Variants in ATXN10 observed in about 807,000 individuals in gnomAD.
ATXN10 encodes ataxin-10.
Under a neutral mutation model 52.9 loss-of-function variants are expected in ATXN10, and 28 were observed. The ratio of observed to expected loss-of-function variants is 0.53; its 90% CI spans 0.39 to 0.73. ATXN10 has a LOEUF of 0.73. ATXN10 is among the 30% of genes least tolerant of loss of function. The pLI is 0.00. For missense variants in ATXN10, 565 were observed against 577.0 expected (o/e 0.98, Z 0.21); for synonymous variants, 226 against 221.5 (o/e 1.02, Z -0.18).
Position 45,844,903 on chromosome 22 carries a change from A to G in ATXN10, c.*1232A>G, listed in dbSNP as rs1277885383. 6.6e-6 allele frequency: 1 copy of G among 152,272 alleles called. No individual in the cohort carries two copies. The highest frequency in any genetic ancestry group is 2.4e-5 in the African/African-American group (1 of 41,470). 9.4% of individuals were successfully genotyped at this position (152,272 alleles called of 1,614,324 possible). On this transcript the variant is annotated 3_prime_UTR_variant, in exon 12 of 12. Transcript: ENST00000252934. ...TTAACTGATTTGTAAAAATAGCTTA[A>G]GCATGTTGAGAATGAAGTAAAAGTT...
chr22:45,724,644 T>TC (rs1457166168), intron 6 of ATXN10, among the ~76,000 whole-genome samples: 1 of 152,250 alleles, frequency 6.6e-6, no homozygotes, highest in Non-Finnish European at 1.5e-5. Context: ...GATTATTTCT[T>TC]CCGCTGTGCA....
At chr22:45,711,627 G>C (rs534684816) in intron 5 of ATXN10, among the ~76,000 whole-genome samples, 3 of 152,148 alleles carry the variant, frequency 2.0e-5, no homozygotes, top group Admixed American at 1.3e-4. Flanking sequence ...AACTGGGTAA[G>C]GGTACACAGA....
At position 45,816,541 on chromosome 22, in the gene ATXN10, C is replaced by A. The variant is rs759990465; in HGVS notation, c.1237+9519C>A. ...GAATACCCAGATATGTAACCTTTCC[C>A]CCAAGGAAAGTTTATCCCAGGTGGG... On this transcript the variant is annotated intron_variant, in intron 10 of 11. Coordinates refer to ENST00000252934, the MANE Select transcript of ATXN10 (RefSeq NM_013236.4). The surrounding 1 kb of genome is among the most constrained non-coding windows in gnomAD (Gnocchi z 5.8). Among the ~76,000 whole-genome samples the A allele has an allele frequency of 4.3e-4, 65 of 152,146 alleles. No individual in the cohort carries two copies. The highest frequency in any genetic ancestry group is 9.8e-4 in the Admixed American group (15 of 15,278).
chr22:45,744,903 G>A lies in ATXN10; in HGVS notation c.1173+4365G>A, dbSNP rs990540241. On this transcript the variant is annotated intron_variant, in intron 9 of 11. Coordinates refer to ENST00000252934, the MANE Select transcript of ATXN10 (RefSeq NM_013236.4). The surrounding 1 kb of genome is among the most constrained non-coding windows in gnomAD (Gnocchi z 4.9). ...GTCTTTAATGCTTAAGTCTGTACAC[G>A]TGATAGATGTAGTGTTTCCTGAATT... is the stretch of plus-strand genomic sequence containing the variant. 1 of 152,172 alleles carries A rather than the reference G, an allele frequency of 6.6e-6. No individual in the cohort carries two copies. Among genetic ancestry groups the A allele is most frequent in the Non-Finnish European group, 1.5e-5 (1 of 68,040 alleles). The allele number at this position is 152,172 out of a possible 1,614,324, so 9.4% of individuals were successfully genotyped here. A position where few individuals can be genotyped will look rare whatever the true frequency, so the allele number is the denominator to read the frequency against.
At chr22:45,839,939 A>G (rs910548043) in intron 10 of ATXN10, among the ~76,000 whole-genome samples, 1 of 152,248 alleles carries the variant, frequency 6.6e-6, no homozygotes, top group Non-Finnish European at 1.5e-5. Flanking sequence ...TGAATGAGAG[A>G]TAGCATGCTT....
chr22:45,691,499 G>C (rs1923373749), intron 2 of ATXN10, among the ~76,000 whole-genome samples: 1 of 152,244 alleles, frequency 6.6e-6, no homozygotes, highest in African/African-American at 2.4e-5. Context: ...AGAGTCACTT[G>C]TTAAGTGAGA....
intron 5 of ATXN10, among the ~76,000 whole-genome samples, chr22:45,707,114 A>T (rs1601598865): frequency 6.6e-6 from 1 of 152,194 alleles, no homozygotes; most frequent in South Asian, 2.1e-4. Context: ...TTTATCACAA[A>T]TTTTGTTGTT....
chr22:45,721,205 A>C (rs1398889598), intron 6 of ATXN10, among the ~76,000 whole-genome samples: 1 of 152,182 alleles, frequency 6.6e-6, no homozygotes, highest in Non-Finnish European at 1.5e-5. Context: ...GAGAGCCTAC[A>C]TTTACATACT....
intron 1 of ATXN10, among the ~76,000 whole-genome samples, chr22:45,687,222 A>G (rs887422565): frequency 6.6e-6 from 1 of 152,244 alleles, no homozygotes; most frequent in East Asian, 1.9e-4. Context: ...AACATAGTTC[A>G]TGAACTTAGT....
At chr22:45,812,873 G>T (rs973279694) in intron 10 of ATXN10, among the ~76,000 whole-genome samples, 11 of 152,120 alleles carry the variant, frequency 7.2e-5, no homozygotes, top group Admixed American at 4.6e-4. Context: ...CCACCCTACG[G>T]GTTAGGAAAT....
rs73441165 is a variant in ATXN10 at position 45,705,737 on chromosome 22, A to G, written c.647+2890A>G. 0.054 allele frequency among the ~76,000 whole-genome samples: 8,145 copies of G among 152,010 alleles called. 242 individuals are homozygous for G. Among genetic ancestry groups the G allele is most frequent in the African/African-American group, 0.079 (3,277 of 41,484 alleles). On this transcript the variant is annotated intron_variant, in intron 5 of 11. Transcript: ENST00000252934. This position sits in a 1 kb window ranked among gnomAD's most constrained non-coding sequence, Gnocchi z 5.2. ...GCGTGAGCCACCGCGCCCGGCCTCC[A>G]CTTGTTACGGGTCTATTCAGATTGT... is the stretch of plus-strand genomic sequence containing the variant.
At position 45,766,171 on chromosome 22, in the gene ATXN10, C is replaced by G. The variant is rs367880606; in HGVS notation, c.1173+25633C>G. On this transcript the variant is annotated intron_variant, in intron 9 of 11. Coordinates refer to ENST00000252934, the MANE Select transcript of ATXN10 (RefSeq NM_013236.4). This position sits in a 1 kb window ranked among gnomAD's most constrained non-coding sequence, Gnocchi z 4.6. The stretch of plus-strand genomic sequence containing the variant: ...AAAAGTATGGGGACAAGGATATCCG[C>G]TACCTTTAGATCAGGGGTTCCCCAA... Among the ~76,000 whole-genome samples the G allele has an allele frequency of 1.3e-5, 2 of 152,196 alleles. No homozygotes were observed. The highest frequency in any genetic ancestry group is 3.8e-4 in the East Asian group (2 of 5,202).
chr22:45,699,612 C>G (rs530155428), intron 3 of ATXN10, among the ~76,000 whole-genome samples: 116 of 150,802 alleles, frequency 7.7e-4, no homozygotes, highest in Non-Finnish European at 1.4e-3. Flanking sequence ...CTGCCTCAGC[C>G]TCCTAAGTAG....
chr22:45,802,478 T>C (rs959076724), intron 9 of ATXN10, among the ~76,000 whole-genome samples: 4 of 152,228 alleles, frequency 2.6e-5, no homozygotes, highest in African/African-American at 9.6e-5. Context: ...TGGTGTCTGC[T>C]TTTCCCAGTG....
Position 45,757,519 on chromosome 22 carries a change from A to G in ATXN10, c.1173+16981A>G, listed in dbSNP as rs1368508498. On this transcript the variant is annotated intron_variant, in intron 9 of 11. Transcript: ENST00000252934. This position sits in a 1 kb window ranked among gnomAD's most constrained non-coding sequence, Gnocchi z 4.6. ...GGGAGGTGTGGATGTTTCATTCAGT[A>G]CTTTGGAGGGAGAAAGAAATGGGTT... Among the ~76,000 whole-genome samples, 1 of 152,050 alleles carries G rather than the reference A, an allele frequency of 6.6e-6. No homozygotes were observed. Among genetic ancestry groups the G allele is most frequent in the Non-Finnish European group, 1.5e-5 (1 of 67,978 alleles).
chr22:45,732,465 A>T lies in ATXN10; in HGVS notation c.894+2875A>T, dbSNP rs1437738966. ...GAGTGAGATCCTGTCTCCAAAAAAA[A>T]AGAAAAAATTGTAGGCAGTTTTCTT... On this transcript the variant is annotated intron_variant, in intron 7 of 11. Coordinates refer to ENST00000252934, the MANE Select transcript of ATXN10 (RefSeq NM_013236.4). The surrounding 1 kb of genome is among the most constrained non-coding windows in gnomAD (Gnocchi z 4.5). Among the ~76,000 whole-genome samples, 2 of 152,188 alleles carry T rather than the reference A, an allele frequency of 1.3e-5. No individual in the cohort carries two copies. The highest frequency in any genetic ancestry group is 4.8e-5 in the African/African-American group (2 of 41,450).
rs975508009 is a variant in ATXN10 at position 45,780,033 on chromosome 22, C to T, written c.1174-26926C>T. On this transcript the variant is annotated intron_variant, in intron 9 of 11. Transcript: ENST00000252934. This position sits in a 1 kb window ranked among gnomAD's most constrained non-coding sequence, Gnocchi z 4.0. ...TTTTAATATCTAAGTATTCTACATT[C>T]GTGAAATTCCAAATAAAAACGCTTA... Among the ~76,000 whole-genome samples, 1 of 151,820 alleles carries T rather than the reference C, an allele frequency of 6.6e-6. No homozygotes were observed. Among genetic ancestry groups the T allele is most frequent in the Non-Finnish European group, 1.5e-5 (1 of 67,986 alleles).
Position 45,780,457 on chromosome 22 carries a change from G to A in ATXN10, c.1174-26502G>A, listed in dbSNP as rs78929087. On this transcript the variant is annotated intron_variant, in intron 9 of 11. Transcript: ENST00000252934. The surrounding 1 kb of genome is among the most constrained non-coding windows in gnomAD (Gnocchi z 4.0). ...GTTTCAGAATTTATGCAGTGTGGTG[G>A]GAGGAGGTCTGGCTCTGGAGTCAGG... Among the ~76,000 whole-genome samples the A allele has an allele frequency of 0.01, 1,541 of 151,158 alleles. 15 individuals carry two copies. Among genetic ancestry groups the A allele is most frequent in the Middle Eastern group, 0.031 (9 of 292 alleles).
intron 1 of ATXN10, chr22:45,679,866 T>C (rs764651100): frequency 6.6e-6 from 1 of 152,226 alleles, no homozygotes; most frequent in Non-Finnish European, 1.5e-5. Context: ...ACCTCATACA[T>C]TCAATTATCT....
Sources: allele counts gnomAD v4.1 joint callset (sites outside exome capture counted in the v4.1 genomes callset), GRCh38; gene constraint gnomAD v4.1.1; non-coding constraint Gnocchi (gnomAD v3.1); transcripts MANE v1.5; gene names NCBI Gene and HGNC (gene_info 2026-07-23, HGNC 2026-07-21).